CACNA1E: variants seen among roughly 807,000 people sequenced by gnomAD.
CACNA1E encodes the protein voltage-dependent R-type calcium channel subunit alpha-1E.
Under a neutral mutation model 259.2 loss-of-function variants are expected in CACNA1E, and 40 were observed. That is an observed-to-expected ratio of 0.15 (90% CI 0.12 to 0.20). CACNA1E has a LOEUF of 0.20. Among genes scored for constraint, CACNA1E ranks in the 10% least tolerant of loss-of-function variants. The pLI is 1.00. For missense variants in CACNA1E, 1,874 were observed against 3,040.1 expected, an observed-to-expected ratio of 0.62 and a Z score of 9.02; for synonymous variants, 1,104 against 1,138.5, an observed-to-expected ratio of 0.97 and a Z score of 0.61.
intron 7 of CACNA1E, among the ~76,000 whole-genome samples, chr1:181,654,361 C>G (rs1369320150): frequency 6.6e-6 from 1 of 151,706 alleles, no homozygotes; most frequent in Admixed American, 6.6e-5. Context: ...AACAGAACAG[C>G]AAAATAGGAT....
At chr1:181,349,620 C>G (rs895358251) in intron 1 of CACNA1E, among the ~76,000 whole-genome samples, 1 of 151,940 alleles carries the variant, frequency 6.6e-6, no homozygotes, top group Admixed American at 6.6e-5. Context: ...AAGCAAGAGG[C>G]GGGGCTGGGC....
intron 3 of CACNA1E, among the ~76,000 whole-genome samples, chr1:181,518,089 G>C (rs1042235991): frequency 6.6e-6 from 1 of 152,122 alleles, no homozygotes; most frequent in African/African-American, 2.4e-5. Flanking sequence ...GGGCAGAATG[G>C]GTAGAGGGAG....
Position 181,798,870 on chromosome 1 carries a change from A to G in CACNA1E, c.*36A>G. ...CCCCTCCGATGCATGCTCTTCTCTC[A>G]CATGGAGAAAACCAAGACAGAATTG... On this transcript the variant is annotated 3_prime_UTR_variant, in exon 48 of 48. Transcript: ENST00000367573. The surrounding 1 kb of genome is among the most constrained non-coding windows in gnomAD (Gnocchi z 4.2). The G allele has an allele frequency of 2.0e-6, 3 of 1,469,292 alleles. No individual in the cohort carries two copies. The highest frequency in any genetic ancestry group is 2.7e-6 in the Non-Finnish European group (3 of 1,113,752). The allele number at this position is 1,469,292 out of a possible 1,614,324, so 91.0% of individuals were successfully genotyped here.
At chr1:181,374,977 G>A (rs1349250189) in intron 1 of CACNA1E, among the ~76,000 whole-genome samples, 3 of 152,124 alleles carry the variant, frequency 2.0e-5, no homozygotes, top group African/African-American at 7.2e-5. Context: ...GATACAAAAG[G>A]ATTAGGATTA....
intron 2 of CACNA1E, among the ~76,000 whole-genome samples, chr1:181,464,092 A>C (rs1661995708): frequency 6.6e-6 from 1 of 151,996 alleles, no homozygotes; most frequent in East Asian, 1.9e-4. Context: ...TGGGCACTTT[A>C]TTTTATTCCA....
At chr1:181,714,556 T>C (rs1292016302) in intron 8 of CACNA1E, among the ~76,000 whole-genome samples, 1 of 152,150 alleles carries the variant, frequency 6.6e-6, no homozygotes, top group Admixed American at 6.5e-5. Context: ...AGGGGGAGGC[T>C]GAAAGTTCTA....
At chr1:181,470,504 G>A (rs1047264367) in intron 2 of CACNA1E, among the ~76,000 whole-genome samples, 3 of 152,134 alleles carry the variant, frequency 2.0e-5, no homozygotes, top group Non-Finnish European at 2.9e-5. Context: ...TTACAGGCGT[G>A]AACTGCCACA....
chr1:181,527,311 G>A (rs1667434807), intron 3 of CACNA1E, among the ~76,000 whole-genome samples: 1 of 152,190 alleles, frequency 6.6e-6, no homozygotes, highest in South Asian at 2.1e-4. Context: ...CTTTTGTAAG[G>A]ACACTAATCC....
intron 1 of CACNA1E, among the ~76,000 whole-genome samples, chr1:181,379,986 A>T (rs1042066657): frequency 6.8e-6 from 1 of 147,676 alleles, no homozygotes; most frequent in Non-Finnish European, 1.5e-5. Context: ...ATATATATTT[A>T]TATATATCAT....
At chr1:181,541,685 T>C (rs945956875) in intron 3 of CACNA1E, among the ~76,000 whole-genome samples, 1 of 152,228 alleles carries the variant, frequency 6.6e-6, no homozygotes, top group Non-Finnish European at 1.5e-5. Flanking sequence ...ACATGTTATG[T>C]TTTGACCTGC....
In CACNA1E at chr1:181,580,614, C is replaced by T; in HGVS notation, c.789C>T (p.Asp263=). The T allele has an allele frequency of 6.2e-7, 1 of 1,613,914 alleles. No homozygotes were observed. Among genetic ancestry groups the T allele is most frequent in the Non-Finnish European group, 8.5e-7 (1 of 1,179,740 alleles). Residue 263 remains aspartate, a synonymous_variant, in exon 6 of 48, where the codon GAC becomes GAT. Transcript: ENST00000367573. ...MNNSGILEGF[D]PPHPCGVQGC... is the part of the protein sequence containing the mutation. ...CTGCAGGTATTCTAGAAGGATTTGA[C>T]CCCCCTCACCCATGTGGTGTGCAGG...
intron 1 of CACNA1E, among the ~76,000 whole-genome samples, chr1:181,345,995 G>T (rs1652562965): frequency 6.6e-6 from 1 of 152,218 alleles, no homozygotes; most frequent in African/African-American, 2.4e-5. Context: ...TTTCTGAGGG[G>T]CAGGCCATAG....
intron 6 of CACNA1E, among the ~76,000 whole-genome samples, chr1:181,599,438 C>A (rs905987386): frequency 2.6e-5 from 4 of 152,170 alleles, no homozygotes; most frequent in Admixed American, 2.6e-4. Context: ...CCTCAAGCTT[C>A]ATCTTAATTG....
chr1:181,777,465 A>G (rs1389950875), intron 38 of CACNA1E, among the ~76,000 whole-genome samples: 1 of 152,198 alleles, frequency 6.6e-6, no homozygotes, highest in Non-Finnish European at 1.5e-5. Flanking sequence ...TTCCTTCATT[A>G]ATTATTAATG....
intron 47 of CACNA1E, among the ~76,000 whole-genome samples, chr1:181,797,115 A>C: frequency 6.6e-6 from 1 of 152,168 alleles, no homozygotes; most frequent in East Asian, 1.9e-4. Context: ...GCCTTCAGAA[A>C]CCAGAGATAT....
chr1:181,436,747 CA>C (rs1660116613), intron 2 of CACNA1E, among the ~76,000 whole-genome samples: 3 of 135,952 alleles, frequency 2.2e-5, no homozygotes, highest in African/African-American at 8.2e-5. Flanking sequence ...TCAAAGGGTA[CA>C]ACATTTTAGT....
intron 25 of CACNA1E, among the ~76,000 whole-genome samples, chr1:181,741,969 A>T (rs1656618638): frequency 6.6e-6 from 1 of 152,240 alleles, no homozygotes; most frequent in South Asian, 2.1e-4. Flanking sequence ...TTTTCTCTGA[A>T]ACATAGATGA....
chr1:181,333,370 G>T (rs1157120067), intron 1 of CACNA1E, among the ~76,000 whole-genome samples: 1 of 152,156 alleles, frequency 6.6e-6, no homozygotes, highest in Admixed American at 6.5e-5. Flanking sequence ...ATACATCAGG[G>T]TTGGCAACAT....
chr1:181,480,987 G>T (rs1348307165), upstream of CACNA1E, among the ~76,000 whole-genome samples: 3 of 152,160 alleles, frequency 2.0e-5, no homozygotes, highest in Non-Finnish European at 2.9e-5. Context: ...AATAATTTCT[G>T]AAAGCCCTTT....
Sources: gnomAD v4.1 joint callset for allele counts (sites outside exome capture counted in the v4.1 genomes callset) on GRCh38, gnomAD v4.1.1 for gene constraint, Gnocchi (gnomAD v3.1) non-coding constraint, MANE v1.5 for transcripts, NCBI Gene and HGNC (gene_info 2026-07-23, HGNC 2026-07-21) for gene names.